Variants in FAM135A observed in about 807,000 individuals in gnomAD.
The protein encoded by FAM135A is protein FAM135A.
A neutral mutation model predicts 146.8 loss-of-function variants in FAM135A; 79 were observed. That is an observed-to-expected ratio of 0.54 (90% CI 0.45 to 0.65). The LOEUF is 0.65. Ranked by LOEUF, FAM135A falls within the 30% of genes least tolerant of loss-of-function variation. The pLI is 0.00. For missense variants in FAM135A, 1,623 were observed against 1,758.2 expected (o/e 0.92, Z 1.38); for synonymous variants, 562 against 603.6 (o/e 0.93, Z 1.01).
intron 5 of FAM135A, among the ~76,000 whole-genome samples, chr6:70,474,691 C>T (rs2128152040): frequency 6.6e-6 from 1 of 152,294 alleles, no homozygotes; most frequent in East Asian, 1.9e-4. Context: ...ATTAACTTTC[C>T]TCCTCTCGAA....
At chr6:70,556,986 A>G (rs1219354355) in intron 21 of FAM135A, 123 bp downstream of exon 21, 15 of 690,530 alleles carry the variant, frequency 2.2e-5, no homozygotes, top group South Asian at 1.9e-4. Flanking sequence ...CTTTCCACCC[A>G]CTTATATTAA....
intron 5 of FAM135A, among the ~76,000 whole-genome samples, chr6:70,464,171 G>A (rs950838192): frequency 1.3e-5 from 2 of 152,140 alleles, no homozygotes; most frequent in African/African-American, 2.4e-5. Flanking sequence ...CAAAGGAAAC[G>A]GAAATGCAGA....
At chr6:70,424,149 G>A (rs1769504655) in intron 2 of FAM135A, among the ~76,000 whole-genome samples, 1 of 152,172 alleles carries the variant, frequency 6.6e-6, no homozygotes, top group African/African-American at 2.4e-5. Flanking sequence ...CTGTCTGGGT[G>A]TTTCTTCCTT....
At chr6:70,432,925 C>CT (rs944752411) in intron 4 of FAM135A, among the ~76,000 whole-genome samples, 4 of 151,404 alleles carry the variant, frequency 2.6e-5, no homozygotes, top group Non-Finnish European at 4.4e-5. Flanking sequence ...ATTGTAGGGA[C>CT]TTTTTTTAGA....
At position 70,524,670 on chromosome 6, in the gene FAM135A, C is replaced by T; in HGVS notation, c.1586C>T (p.Thr529Ile). 1.3e-6 allele frequency: 2 copies of T among 1,550,824 alleles called. No individual in the cohort carries two copies. Among genetic ancestry groups the T allele is most frequent in the Non-Finnish European group, 1.7e-6 (2 of 1,146,646 alleles). ...GTAGGCTACAAATGTTTGAAAAGTA[C>T]AGCATCAAATGATCTCATTAAATGC... is the stretch of plus-strand genomic sequence containing the variant. ...VLVGYKCLKS[T>I]ASNDLIKCFE... Residue 529 changes from threonine to isoleucine, a missense_variant, in exon 15 of 22, where the codon ACA (threonine) becomes ATA (isoleucine). Thr to Ile is a moderately conservative substitution (Grantham distance 89, BLOSUM62 -1). Transcript: ENST00000418814.
chr6:70,549,905 C>T (rs1210920228), intron 20 of FAM135A, among the ~76,000 whole-genome samples: 1 of 152,152 alleles, frequency 6.6e-6, no homozygotes, highest in African/African-American at 2.4e-5. Context: ...ACTGCTTTTT[C>T]AACTCTTTAT....
chr6:70,437,455 T>G (rs1040464038), intron 4 of FAM135A, among the ~76,000 whole-genome samples: 1 of 152,124 alleles, frequency 6.6e-6, no homozygotes, highest in South Asian at 2.1e-4. Context: ...TGTTCAGTTT[T>G]AAAAGATTTT....
At chr6:70,483,328 T>G (rs903394910) in intron 10 of FAM135A, among the ~76,000 whole-genome samples, 1 of 152,196 alleles carries the variant, frequency 6.6e-6, no homozygotes, top group Non-Finnish European at 1.5e-5. Context: ...GTAATCCTAA[T>G]GGTTTCATAG....
intron 18 of FAM135A, among the ~76,000 whole-genome samples, chr6:70,534,968 G>C (rs902928290): frequency 6.6e-6 from 1 of 152,114 alleles, no homozygotes; most frequent in Non-Finnish European, 1.5e-5. Context: ...TTATTTTCTT[G>C]TTGTAATTAT....
At chr6:70,558,688 C>T (rs929805088) in intron 21 of FAM135A, among the ~76,000 whole-genome samples, 2 of 152,012 alleles carry the variant, frequency 1.3e-5, no homozygotes, top group Non-Finnish European at 2.9e-5. Flanking sequence ...TGGTGGTGCA[C>T]GCCTGTGTGG....
At chr6:70,450,731 T>TG in intron 4 of FAM135A, among the ~76,000 whole-genome samples, 1 of 66,402 alleles carries the variant, frequency 1.5e-5, no homozygotes, top group East Asian at 3.8e-4. Context: ...TTTTTTTTTT[T>TG]TTTTTTTTTT....
At chr6:70,526,794 C>T (rs1193771080) in intron 15 of FAM135A, 96 bp downstream of exon 15, 11,452 of 762,354 alleles carry the variant, frequency 0.015, 205 homozygotes, top group Middle Eastern at 0.033. Flanking sequence ...CACACACACA[C>T]ACACACACAT....
intron 8 of FAM135A, among the ~76,000 whole-genome samples, chr6:70,479,014 A>G (rs1783181233): frequency 2.6e-5 from 4 of 152,128 alleles, no homozygotes. Context: ...TTATCTGTTT[A>G]TAAAATGTAT....
Position 70,475,486 on chromosome 6 carries a change from T to C in FAM135A, c.234T>C (p.Asn78=). 3 of 1,606,698 alleles carry C rather than the reference T, an allele frequency of 1.9e-6. No individual in the cohort carries two copies. Among genetic ancestry groups the C allele is most frequent in the Non-Finnish European group, 2.5e-6 (3 of 1,177,312 alleles). The change falls in exon 6 of 22, where the codon AAT becomes AAC. Residue 78 remains asparagine, a synonymous_variant. Transcript: ENST00000418814. The part of the protein sequence containing the change: ...CSKTFQILYK[N]EEVVLNDVMI... ...AAACATTTCAAATTTTGTACAAAAA[T>C]GAAGAGGTTGTTTTAAATGATGTTA...
intron 2 of FAM135A, among the ~76,000 whole-genome samples, chr6:70,416,661 C>G (rs1767640920): frequency 6.6e-6 from 1 of 152,072 alleles, no homozygotes; most frequent in South Asian, 2.1e-4. Flanking sequence ...TGTGGTGGCT[C>G]ATGCCTGTAA....
chr6:70,515,020 T>C (rs1433707747), intron 12 of FAM135A, among the ~76,000 whole-genome samples: 1 of 152,174 alleles, frequency 6.6e-6, no homozygotes, highest in African/African-American at 2.4e-5. Flanking sequence ...AAATAAAATA[T>C]CCGTTATCAT....
chr6:70,505,077 T>G (rs991698746), intron 12 of FAM135A: 1 of 85,836 alleles, frequency 1.2e-5, no homozygotes, highest in African/African-American at 8.7e-5. Flanking sequence ...GATACACATA[T>G]ATATATATAT....
chr6:70,538,365 C>T lies in FAM135A; in HGVS notation c.4192C>T (p.Arg1398Cys), dbSNP rs764030460. ...GACATGTCGAGATCACTCAGACCCT[C>T]GCCAAACTTTTTTATATAAGCTTAG... The part of the protein sequence containing the change: ...QLTCRDHSDP[R>C]QTFLYKLSNK... Residue 1398 changes from arginine (R) to cysteine (C), a missense_variant, in exon 20 of 22, where the codon CGC becomes TGC. Physicochemically the swap from Arg to Cys is radical, Grantham distance 180. This residue lies in a region of FAM135A where 138 missense variants were observed against 174.1 expected (regional missense o/e 0.79). Transcript: ENST00000418814. 1.3e-6 allele frequency: 2 copies of T among 1,510,322 alleles called. No individual in the cohort carries two copies. The highest frequency in any genetic ancestry group is 1.4e-5 in the African/African-American group (1 of 72,394). The allele number at this position is 1,510,322 out of a possible 1,614,324, so 93.6% of individuals were successfully genotyped here.
intron 5 of FAM135A, among the ~76,000 whole-genome samples, chr6:70,454,445 C>T (rs544165703): frequency 1.3e-5 from 2 of 152,160 alleles, no homozygotes; most frequent in African/African-American, 4.8e-5. Context: ...GCTTTTGTTG[C>T]CATTGCTTTT....
Sources: gnomAD v4.1 joint callset for allele counts (sites outside exome capture counted in the v4.1 genomes callset) on GRCh38, gnomAD v4.1.1 for gene constraint, gnomAD v4.1.1 regional missense constraint, MANE v1.5 for transcripts, NCBI Gene and HGNC (gene_info 2026-07-23, HGNC 2026-07-21) for gene names.